LMBR1: variants seen among roughly 807,000 people sequenced by gnomAD.
The protein encoded by LMBR1 is limb region 1 protein homolog.
A neutral mutation model predicts 73.9 loss-of-function variants in LMBR1; 52 were observed. The observed-to-expected ratio is 0.70, with a 90% CI of 0.56 to 0.89. The LOEUF is 0.89. Among genes scored for constraint, LMBR1 ranks in the 40% least tolerant of loss-of-function variants. The pLI is 0.00. For synonymous variants in LMBR1, 215 were observed against 209.4 expected (o/e 1.03, Z -0.23); for missense variants, 539 against 579.8 (o/e 0.93, Z 0.72).
intron 1 of LMBR1, among the ~76,000 whole-genome samples, chr7:156,868,957 C>T (rs774094849): frequency 5.6e-4 from 85 of 152,134 alleles, no homozygotes; most frequent in South Asian, 1.5e-3. Flanking sequence ...AAAGTAAGAC[C>T]CTGTCTCGAA....
rs1395343435 is a variant in LMBR1, at chr7:156,885,348, G to A, written c.66+7580C>T. 6.8e-5 allele frequency among the ~76,000 whole-genome samples: 10 copies of A among 148,016 alleles called. No homozygotes were observed. In the East Asian group the frequency reaches 1.2e-3, roughly 18 times the overall value. On this transcript the variant is annotated intron_variant, in intron 1 of 16. Transcript: ENST00000353442. ...AGCCTCGGTGACAGAGCGAGACTCC[G>A]TGTAAAAGAAAAAAAAAAAAAAGTC... is the stretch of plus-strand genomic sequence containing the variant.
At chr7:156,814,972 T>C (rs1049855661) in intron 4 of LMBR1, among the ~76,000 whole-genome samples, 4 of 151,712 alleles carry the variant, frequency 2.6e-5, no homozygotes, top group Middle Eastern at 3.4e-3. Flanking sequence ...CCCTGACCAA[T>C]ATGGAAAAAC....
intron 5 of LMBR1, among the ~76,000 whole-genome samples, chr7:156,795,882 A>G (rs1036450153): frequency 6.6e-6 from 1 of 152,154 alleles, no homozygotes; most frequent in African/African-American, 2.4e-5. Context: ...CTGTCTTAAG[A>G]ATACATCATG....
At chr7:156,786,343 T>G (rs1563356779) in intron 5 of LMBR1, among the ~76,000 whole-genome samples, 1 of 152,044 alleles carries the variant, frequency 6.6e-6, no homozygotes, top group Non-Finnish European at 1.5e-5. Flanking sequence ...GCTACAAGCT[T>G]ATAGTCAAGA....
At chr7:156,888,860 G>A (rs1283629077) in intron 1 of LMBR1, among the ~76,000 whole-genome samples, 1 of 152,206 alleles carries the variant, frequency 6.6e-6, no homozygotes. Flanking sequence ...TTCAAGACCA[G>A]CCTGGCCAAC....
At position 156,685,448 on chromosome 7, in the gene LMBR1, G is replaced by A. The variant is rs1185108608; in HGVS notation, c.1388-1285C>T. 6.6e-6 allele frequency among the ~76,000 whole-genome samples: 1 copy of A among 152,222 alleles called. No individual in the cohort carries two copies. The highest frequency in any genetic ancestry group is 1.5e-5 in the Non-Finnish European group (1 of 68,028). On this transcript the variant is annotated intron_variant, in intron 16 of 16. Coordinates refer to ENST00000353442, the MANE Select transcript of LMBR1 (RefSeq NM_022458.4). The surrounding 1 kb of genome is among the most constrained non-coding windows in gnomAD (Gnocchi z 4.1). ...TAGAGTGTATCTATACACCCAGAGGGCACAGCCATGCCATCCCTAGGCTGC... is the reference window on the plus strand; with the variant it reads ...TAGAGTGTATCTATACACCCAGAGGACACAGCCATGCCATCCCTAGGCTGC...
intron 15 of LMBR1, among the ~76,000 whole-genome samples, chr7:156,695,660 C>T (rs893996050): frequency 1.3e-5 from 2 of 152,110 alleles, no homozygotes; most frequent in African/African-American, 4.8e-5. Context: ...AATCCAGTCA[C>T]CTCCCACCAG....
In LMBR1 at chr7:156,679,139, TTC is replaced by T. The variant is rs1424118689; in HGVS notation, c.*4937_*4938del. ...TGACCCCAGGCAAATGTCTGCAGCT[TTC>T]TCAGTGGCGTTCCTTGTCGGTAAAA... On this transcript the variant is annotated 3_prime_UTR_variant, in exon 17 of 17. Transcript: ENST00000353442. 1 of 152,194 alleles carries T rather than the reference TTC, an allele frequency of 6.6e-6. No individual in the cohort carries two copies. Among genetic ancestry groups the T allele is most frequent in the Non-Finnish European group, 1.5e-5 (1 of 68,050 alleles). 9.4% of individuals were successfully genotyped at this position (152,194 alleles called of 1,614,324 possible). A position where few individuals can be genotyped will look rare whatever the true frequency, so the allele number is the denominator to read the frequency against.
At chr7:156,767,026 C>T (rs74379309) in intron 5 of LMBR1, among the ~76,000 whole-genome samples, 3,880 of 152,236 alleles carry the variant, frequency 0.025, 163 homozygotes, top group African/African-American at 0.087. Flanking sequence ...CAAAATGAAA[C>T]GCGCCTTGCT....
chr7:156,890,532 G>T (rs1802717604), intron 1 of LMBR1, among the ~76,000 whole-genome samples: 1 of 152,046 alleles, frequency 6.6e-6, no homozygotes, highest in South Asian at 2.1e-4. Context: ...TTTTAAATGG[G>T]GAAAAAAATT....
At chr7:156,709,936 A>C (rs1811739782) in intron 15 of LMBR1, among the ~76,000 whole-genome samples, 1 of 109,984 alleles carries the variant, frequency 9.1e-6, no homozygotes, top group East Asian at 2.7e-4. Flanking sequence ...ATGGAGTCTC[A>C]CTCTGTCACC....
intron 1 of LMBR1, among the ~76,000 whole-genome samples, chr7:156,844,982 T>C (rs981351674): frequency 6.6e-6 from 1 of 152,208 alleles, no homozygotes; most frequent in Admixed American, 6.5e-5. Flanking sequence ...AATCAAATTG[T>C]ACCACCCAGC....
chr7:156,791,296 T>C (rs540611242), intron 5 of LMBR1, among the ~76,000 whole-genome samples: 4 of 152,088 alleles, frequency 2.6e-5, no homozygotes, highest in Non-Finnish European at 5.9e-5. Flanking sequence ...CCTTAATCAC[T>C]CATTTCCAAC....
rs1207335628 is a variant in LMBR1, at chr7:156,725,494, A to G, written c.1099T>C (p.Tyr367His). 6.2e-7 allele frequency: 1 copy of G among 1,610,162 alleles called. No individual in the cohort carries two copies. The change falls in exon 14 of 17, where the codon TAT becomes CAT. Residue 367 changes from tyrosine to histidine, a missense_variant. Physicochemically the swap from Tyr to His is moderately conservative, Grantham distance 83. Coordinates refer to ENST00000353442, the MANE Select transcript of LMBR1 (RefSeq NM_022458.4). ...YLMVSSVVGF[Y>H]SLRFFGNFTP... ...AAGTTTCCAAAAAATCGAAGGCTAT[A>G]GAAGCCGACAACAGAGGACACCATA...
rs758723969 is a variant in LMBR1, at chr7:156,684,074, C to G, written c.*4G>C. 1.2e-6 allele frequency: 2 copies of G among 1,610,072 alleles called. No individual in the cohort carries two copies. The highest frequency in any genetic ancestry group is 1.1e-5 in the South Asian group (1 of 90,974). ...TTGGTGGCAGAAGACGCCGTCTGTGCGTCTCACAGTGCTTTCTGATGCCCA... is the reference window on the plus strand; with the variant it reads ...TTGGTGGCAGAAGACGCCGTCTGTGGGTCTCACAGTGCTTTCTGATGCCCA... On this transcript the variant is annotated 3_prime_UTR_variant, in exon 17 of 17. Coordinates refer to ENST00000353442, the MANE Select transcript of LMBR1 (RefSeq NM_022458.4).
At chr7:156,743,136 T>C (rs1819213305) in intron 9 of LMBR1, among the ~76,000 whole-genome samples, 1 of 152,166 alleles carries the variant, frequency 6.6e-6, no homozygotes. Flanking sequence ...GGATTTCCAA[T>C]CAATTCTCTT....
intron 15 of LMBR1, among the ~76,000 whole-genome samples, chr7:156,722,540 G>A (rs1020533289): frequency 6.6e-6 from 1 of 151,992 alleles, no homozygotes; most frequent in African/African-American, 2.4e-5. Context: ...TCTGTTTAAC[G>A]TATTTATTTC....
intron 5 of LMBR1, among the ~76,000 whole-genome samples, chr7:156,765,457 G>T (rs927992294): frequency 1.3e-5 from 2 of 152,210 alleles, no homozygotes; most frequent in Non-Finnish European, 2.9e-5. Context: ...ATGTGGAACT[G>T]AGAGTGAATT....
intron 9 of LMBR1, among the ~76,000 whole-genome samples, chr7:156,749,090 G>T (rs530914919): frequency 6.6e-6 from 1 of 152,056 alleles, no homozygotes; most frequent in Non-Finnish European, 1.5e-5. Flanking sequence ...TCACTTTCAC[G>T]CTAATACCAG....
Sources: gnomAD v4.1 joint callset for allele counts (sites outside exome capture counted in the v4.1 genomes callset) on GRCh38, gnomAD v4.1.1 for gene constraint, Gnocchi (gnomAD v3.1) non-coding constraint, MANE v1.5 for transcripts, NCBI Gene and HGNC (gene_info 2026-07-23, HGNC 2026-07-21) for gene names.